The following BMPR1B variants were observed in gnomAD, a reference collection of about 807,000 sequenced individuals.
BMPR1B encodes bone morphogenetic protein receptor type 1B.
A neutral mutation model predicts 59.1 loss-of-function variants in BMPR1B; 12 were observed. The ratio of observed to expected loss-of-function variants is 0.20; its 90% CI spans 0.13 to 0.33. The LOEUF (loss-of-function observed/expected upper bound fraction) is 0.33, where lower values mean the gene tolerates loss of function less well. Among genes scored for constraint, BMPR1B ranks in the 10% least tolerant of loss-of-function variants. The pLI, the probability that BMPR1B is intolerant of heterozygous loss-of-function variation, is 1.00. For missense variants in BMPR1B, 550 were observed against 610.9 expected (o/e 0.90, Z 1.05); for synonymous variants, 237 against 207.3 (o/e 1.14, Z -1.23).
chr4:95,000,429 C>T (rs552551935), intron 3 of BMPR1B, among the ~76,000 whole-genome samples: 63 of 151,910 alleles, frequency 4.1e-4, no homozygotes, highest in South Asian at 2.1e-3. Flanking sequence ...TTGCTTGAAT[C>T]CAGGAGGCGG....
At chr4:94,913,060 A>G (rs1728346865) in intron 2 of BMPR1B, among the ~76,000 whole-genome samples, 2 of 152,110 alleles carry the variant, frequency 1.3e-5, no homozygotes, top group Admixed American at 6.6e-5. Flanking sequence ...ATACATTTTA[A>G]GCTTTATATT....
chr4:94,951,231 G>C (rs1729922774), intron 2 of BMPR1B, among the ~76,000 whole-genome samples: 1 of 152,174 alleles, frequency 6.6e-6, no homozygotes, highest in South Asian at 2.1e-4. Flanking sequence ...GAGATAAATT[G>C]CCTTCCTCTC....
chr4:94,871,200 A>G (rs1036186734), intron 1 of BMPR1B, among the ~76,000 whole-genome samples: 40 of 152,310 alleles, frequency 2.6e-4, no homozygotes, highest in Non-Finnish European at 2.4e-4. Context: ...CCTGACTCCA[A>G]GACCTGTTTC....
At chr4:95,007,160 A>G (rs1251502325) in intron 3 of BMPR1B, among the ~76,000 whole-genome samples, 1 of 152,192 alleles carries the variant, frequency 6.6e-6, no homozygotes, top group East Asian at 1.9e-4. Context: ...TTATGAAAAC[A>G]TGTTCTTCCA....
At chr4:94,948,848 G>A (rs953339075) in intron 2 of BMPR1B, among the ~76,000 whole-genome samples, 1 of 152,130 alleles carries the variant, frequency 6.6e-6, no homozygotes, top group Non-Finnish European at 1.5e-5. Flanking sequence ...GATGAGTCTG[G>A]GGACGAGAGG....
intron 3 of BMPR1B, among the ~76,000 whole-genome samples, chr4:95,070,427 G>A (rs113401668): frequency 3.1e-4 from 47 of 152,322 alleles, no homozygotes; most frequent in African/African-American, 1.1e-3. Flanking sequence ...ATGTTCATCA[G>A]AGAGAATGCT....
At chr4:95,013,424 T>C (rs763868216) in intron 3 of BMPR1B, among the ~76,000 whole-genome samples, 42 of 152,170 alleles carry the variant, frequency 2.8e-4, no homozygotes, top group Admixed American at 1.4e-3. Flanking sequence ...CCCACATGAA[T>C]AGGCCTTACA....
At chr4:95,118,859 G>A (rs1381542788) in intron 6 of BMPR1B, among the ~76,000 whole-genome samples, 1 of 152,146 alleles carries the variant, frequency 6.6e-6, no homozygotes, top group African/African-American at 2.4e-5. Flanking sequence ...GAGGCTGCCG[G>A]GGATAGGGTT....
rs1727791203 is a variant in BMPR1B at position 95,066,243 on chromosome 4, T to TA, written c.-17-38165_-17-38164insA. 2.0e-5 allele frequency among the ~76,000 whole-genome samples: 3 copies of TA among 152,224 alleles called. No homozygotes were observed. In the South Asian group the frequency reaches 6.2e-4, roughly 32 times the overall value. ...TAATATAACAGAAATGCCTTTCCTG[T>TA]CACAGGGGAGAGTGGTTGGGAAATT... On this transcript the variant is annotated intron_variant, in intron 3 of 12. Transcript: ENST00000515059.
intron 10 of BMPR1B, among the ~76,000 whole-genome samples, chr4:95,139,189 C>G (rs1734028532): frequency 6.6e-6 from 1 of 152,182 alleles, no homozygotes; most frequent in African/African-American, 2.4e-5. Context: ...ACTCCAGACC[C>G]TGTTTGCCTG....
rs909887896 is a variant in BMPR1B at position 95,113,618 on chromosome 4, C to T, written c.144-1102C>T. On this transcript the variant is annotated intron_variant, in intron 4 of 12. Coordinates refer to ENST00000515059, the MANE Select transcript of BMPR1B (RefSeq NM_001203.3). ...TAGTTTAGTACTTTATTTCTTAAGACATTCAGTGCTGGTTTATGACTTATA... is the reference window on the plus strand; with the variant it reads ...TAGTTTAGTACTTTATTTCTTAAGATATTCAGTGCTGGTTTATGACTTATA... Among the ~76,000 whole-genome samples the T allele has an allele frequency of 2.6e-5, 4 of 152,144 alleles. No individual in the cohort carries two copies. In the South Asian group the frequency reaches 6.2e-4, roughly 24 times the overall value.
At chr4:94,808,210 A>T (rs1723683240) in intron 1 of BMPR1B, among the ~76,000 whole-genome samples, 1 of 152,186 alleles carries the variant, frequency 6.6e-6, no homozygotes, top group Admixed American at 6.5e-5. Context: ...CAGATGTTAG[A>T]TACTCAATAT....
chr4:95,101,436 A>G (rs937620751), intron 3 of BMPR1B, among the ~76,000 whole-genome samples: 13 of 151,856 alleles, frequency 8.6e-5, no homozygotes, highest in African/African-American at 3.1e-4. Flanking sequence ...ATAGGAAAGG[A>G]TATCTGAAGT....
intron 2 of BMPR1B, among the ~76,000 whole-genome samples, chr4:94,981,006 C>CGCGCGT (rs1560578240): frequency 6.7e-6 from 1 of 148,460 alleles, no homozygotes; most frequent in Non-Finnish European, 1.5e-5. Flanking sequence ...CACACACACA[C>CGCGCGT]ACACACACAC....
At chr4:94,932,392 A>G (rs928094582) in intron 2 of BMPR1B, among the ~76,000 whole-genome samples, 4 of 152,224 alleles carry the variant, frequency 2.6e-5, no homozygotes, top group Non-Finnish European at 1.5e-5. Context: ...AGAAACAGAT[A>G]TCACTATTCT....
At chr4:95,107,034 T>C (rs542602030) in intron 4 of BMPR1B, among the ~76,000 whole-genome samples, 9 of 152,120 alleles carry the variant, frequency 5.9e-5, no homozygotes, top group African/African-American at 2.2e-4. Flanking sequence ...TCCTCTGACA[T>C]TGAATTTTCC....
Position 95,148,871 on chromosome 4 carries a change from G to A in BMPR1B, c.1200G>A (p.Met400Ile), listed in dbSNP as rs1279570525. The change falls in exon 11 of 13, where the codon ATG becomes ATA. Residue 400 changes from methionine (M) to isoleucine (I), a missense_variant. Coordinates refer to ENST00000515059, the MANE Select transcript of BMPR1B (RefSeq NM_001203.3). ...NHFQSYIMAD[M>I]YSFGLILWEV... ...TCCAGTCTTACATCATGGCTGACAT[G>A]TATAGTTTTGGCCTCATCCTTTGGG... The A allele has an allele frequency of 6.2e-7, 1 of 1,614,066 alleles. No homozygotes were observed. The highest frequency in any genetic ancestry group is 1.1e-5 in the South Asian group (1 of 91,088).
chr4:94,962,070 T>TC (rs1424095892), intron 2 of BMPR1B, among the ~76,000 whole-genome samples: 31 of 126,956 alleles, frequency 2.4e-4, no homozygotes, highest in East Asian at 8.7e-4. Context: ...TTCTTTCTTT[T>TC]CTTTCCTTCC....
intron 3 of BMPR1B, among the ~76,000 whole-genome samples, chr4:95,090,121 A>G (rs970396242): frequency 2.6e-5 from 4 of 152,062 alleles, no homozygotes; most frequent in Non-Finnish European, 5.9e-5. Context: ...TCTCATGTAC[A>G]CAGGAATTTT....
Sources: allele counts gnomAD v4.1 joint callset (sites outside exome capture counted in the v4.1 genomes callset), GRCh38; gene constraint gnomAD v4.1.1; transcripts MANE v1.5; gene names NCBI Gene and HGNC (gene_info 2026-07-23, HGNC 2026-07-21).